SLMAP: variants seen among roughly 807,000 people sequenced by gnomAD.
SLMAP encodes the protein sarcolemmal membrane-associated protein.
Under a neutral mutation model 128.8 loss-of-function variants are expected in SLMAP, and 44 were observed. That is an observed-to-expected ratio of 0.34 (90% confidence interval 0.27 to 0.44). The LOEUF is 0.44. Among genes scored for constraint, SLMAP ranks in the 20% least tolerant of loss-of-function variants. SLMAP has a pLI of 1.00. For missense variants in SLMAP, 787 were observed against 985.3 expected (o/e 0.80, Z 2.69); for synonymous variants, 327 against 348.8 (o/e 0.94, Z 0.70).
At chr3:57,794,688 A>T (rs2086311862) in intron 2 of SLMAP, among the ~76,000 whole-genome samples, 1 of 152,152 alleles carries the variant, frequency 6.6e-6, no homozygotes, top group African/African-American at 2.4e-5. Flanking sequence ...ATGATACAAC[A>T]TGTGGTCTTT....
In SLMAP at chr3:57,896,548, T is replaced by A. The variant is rs1205294634; in HGVS notation, c.1398T>A (p.Asp466Glu). 1 of 1,610,228 alleles carries A rather than the reference T, an allele frequency of 6.2e-7. No individual in the cohort carries two copies. Among genetic ancestry groups the A allele is most frequent in the Admixed American group, 1.7e-5 (1 of 59,098 alleles). The change falls in exon 16 of 25, where the codon GAT (aspartate) becomes GAA (glutamate). Residue 466 changes from aspartate to glutamate, a missense_variant. By Grantham distance (45) the Asp-to-Glu change is conservative. Transcript: ENST00000671191. ...GAGCAAAAGAATCTGATTTTTCAGA[T>A]ACTCTGAGTCCAAGCAAGGAAAAAA... ...QTRAKESDFSDTLSPSKEKSS... is the reference protein window; with the variant it reads ...QTRAKESDFSETLSPSKEKSS...
chr3:57,857,877 T>G, intron 7 of SLMAP, 49 bp downstream of exon 7: 1 of 1,249,806 alleles, frequency 8.0e-7, no homozygotes. Flanking sequence ...TAGTTTAATA[T>G]TCCATACATG....
chr3:57,810,747 C>T (rs1469695374), intron 2 of SLMAP, among the ~76,000 whole-genome samples: 1 of 152,186 alleles, frequency 6.6e-6, no homozygotes, highest in Non-Finnish European at 1.5e-5. Flanking sequence ...CATCATTTGA[C>T]TGTTGATCTC....
chr3:57,849,648 AAC>A (rs770625951), intron 5 of SLMAP, 104 bp from the exon 6 acceptor site: 28 of 680,528 alleles, frequency 4.1e-5, no homozygotes, highest in African/African-American at 7.3e-5. Context: ...TGATTTTAAT[AAC>A]AGTTATTTTG....
chr3:57,821,602 C>CTA (rs1326327533), intron 2 of SLMAP, among the ~76,000 whole-genome samples: 7 of 152,278 alleles, frequency 4.6e-5, no homozygotes, highest in African/African-American at 1.7e-4. Flanking sequence ...TTTGTATACT[C>CTA]TAAGAAGCGA....
chr3:57,817,768 A>G (rs1191137620), intron 2 of SLMAP, among the ~76,000 whole-genome samples: 15 of 152,216 alleles, frequency 9.9e-5, no homozygotes, highest in Admixed American at 9.8e-4. Flanking sequence ...TCTGTCATGG[A>G]CACAGAAACT....
intron 3 of SLMAP, among the ~76,000 whole-genome samples, chr3:57,840,100 C>G (rs958235106): frequency 1.3e-5 from 2 of 152,068 alleles, no homozygotes; most frequent in African/African-American, 4.8e-5. Flanking sequence ...GGATTACAGG[C>G]GTGAGCCACT....
At chr3:57,912,783 C>G in intron 20 of SLMAP, 82 bp downstream of exon 20, 2 of 1,028,160 alleles carry the variant, frequency 1.9e-6, no homozygotes, top group Non-Finnish European at 2.7e-6. Flanking sequence ...AACATGCAGG[C>G]TTTTTTTTTC....
At chr3:57,852,893 C>G (rs1047115096) in intron 6 of SLMAP, among the ~76,000 whole-genome samples, 8 of 152,160 alleles carry the variant, frequency 5.3e-5, no homozygotes, top group African/African-American at 1.9e-4. Context: ...AAAATTATAC[C>G]AGTCTTTTCT....
chr3:57,861,967 G>C lies in SLMAP; in HGVS notation c.847G>C (p.Glu283Gln), dbSNP rs1347166780. Reference protein sequence around the residue: ...SEVERSLSNTEDECTHLKEMN... With the variant: ...SEVERSLSNTQDECTHLKEMN... ...ATCGCAGCGAAGTCTGAGTAATACT[G>C]AAGATGAATGTACCCATCTGAAAGA... Residue 283 changes from glutamate (E) to glutamine (Q), a missense_variant, in exon 10 of 25, where the codon GAA becomes CAA. Coordinates refer to ENST00000671191, the MANE Select transcript of SLMAP (RefSeq NM_001377540.1). The C allele has an allele frequency of 6.2e-7, 1 of 1,612,010 alleles. No individual in the cohort carries two copies. The highest frequency in any genetic ancestry group is 1.3e-5 in the African/African-American group (1 of 74,962).
intron 3 of SLMAP, among the ~76,000 whole-genome samples, chr3:57,835,922 A>G (rs1202117814): frequency 6.6e-6 from 1 of 152,200 alleles, no homozygotes; most frequent in Non-Finnish European, 1.5e-5. Flanking sequence ...AATAAAGTAC[A>G]TTTGTATACA....
chr3:57,891,436 C>G (rs999876761), intron 15 of SLMAP, among the ~76,000 whole-genome samples: 2 of 152,072 alleles, frequency 1.3e-5, no homozygotes, highest in Admixed American at 6.6e-5. Flanking sequence ...GTATAAAGAT[C>G]AAATCAGGGT....
intron 15 of SLMAP, chr3:57,890,451 G>A (rs1298182618): frequency 5.4e-6 from 1 of 184,116 alleles, no homozygotes; most frequent in African/African-American, 2.3e-5. Flanking sequence ...AGTCGTTTGT[G>A]ATACAACTTA....
intron 2 of SLMAP, among the ~76,000 whole-genome samples, chr3:57,826,391 G>A (rs1202037495): frequency 6.6e-6 from 1 of 152,080 alleles, no homozygotes; most frequent in Non-Finnish European, 1.5e-5. Context: ...ATGTGACCTT[G>A]ATACATTTCT....
intron 2 of SLMAP, among the ~76,000 whole-genome samples, chr3:57,803,007 T>A (rs1387901861): frequency 1.3e-5 from 2 of 152,138 alleles, no homozygotes. Context: ...GTGCAGTGAT[T>A]GGAGCAGGTA....
At chr3:57,808,784 A>G (rs1024837683) in intron 2 of SLMAP, among the ~76,000 whole-genome samples, 2 of 152,228 alleles carry the variant, frequency 1.3e-5, no homozygotes, top group Non-Finnish European at 2.9e-5. Flanking sequence ...CACTTGATCC[A>G]TAACTGAGCT....
intron 14 of SLMAP, among the ~76,000 whole-genome samples, chr3:57,872,201 C>G (rs1203932957): frequency 6.6e-6 from 1 of 152,160 alleles, no homozygotes; most frequent in Non-Finnish European, 1.5e-5. Flanking sequence ...ACGTGGGAGG[C>G]TGAGGTGGGA....
At chr3:57,900,751 C>T in intron 17 of SLMAP, 1 of 153,150 alleles carries the variant, frequency 6.5e-6, no homozygotes, top group Non-Finnish European at 1.5e-5. Context: ...AGGTTGCAGT[C>T]AGCCCAGATC....
Position 57,896,581 on chromosome 3 carries a change from C to T in SLMAP, c.1431C>T (p.Asp477=), listed in dbSNP as rs759267993. ...GTCCAAGCAAGGAAAAAAGCAGTGACGACACTACAGGTGAGTTTTAACCTA... is the reference window on the plus strand; with the variant it reads ...GTCCAAGCAAGGAAAAAAGCAGTGATGACACTACAGGTGAGTTTTAACCTA... ...TLSPSKEKSS[D]DTTDAQMDEQ... Residue 477 remains aspartate (D), a synonymous_variant, in exon 16 of 25, where the codon GAC becomes GAT. Transcript: ENST00000671191. 15 of 1,608,626 alleles carry T rather than the reference C, an allele frequency of 9.3e-6. No individual in the cohort carries two copies. The highest frequency in any genetic ancestry group is 4.0e-5 in the African/African-American group (3 of 74,752).
Sources: allele counts gnomAD v4.1 joint callset (sites outside exome capture counted in the v4.1 genomes callset), GRCh38; gene constraint gnomAD v4.1.1; transcripts MANE v1.5; gene names NCBI Gene and HGNC (gene_info 2026-07-23, HGNC 2026-07-21).